PPP3CA: variants seen among roughly 807,000 people sequenced by gnomAD.
PPP3CA encodes the protein protein phosphatase 3 catalytic subunit alpha, also known as CAM-PRP catalytic subunit.
A neutral mutation model predicts 66.5 loss-of-function variants in PPP3CA; 14 were observed. The observed-to-expected ratio is 0.21, with a 90% CI of 0.14 to 0.33. The LOEUF is 0.33. PPP3CA is among the 10% of genes least tolerant of loss of function. The pLI is 1.00. For synonymous variants in PPP3CA, 232 were observed against 226.2 expected, an observed-to-expected ratio of 1.03 and a Z score of -0.23; for missense variants, 317 against 639.5, an observed-to-expected ratio of 0.50 and a Z score of 5.44.
intron 1 of PPP3CA, among the ~76,000 whole-genome samples, chr4:101,248,394 A>G (rs1055448278): frequency 6.6e-6 from 1 of 152,184 alleles, no homozygotes; most frequent in African/African-American, 2.4e-5. Flanking sequence ...ATAAATGGCA[A>G]TTTTTGAATT....
intron 1 of PPP3CA, among the ~76,000 whole-genome samples, chr4:101,272,128 G>C (rs1280310418): frequency 6.6e-6 from 1 of 152,042 alleles, no homozygotes; most frequent in Non-Finnish European, 1.5e-5. Context: ...ACATGAAACT[G>C]TTTCTAGGTT....
At chr4:101,196,619 G>A (rs1042008286) in intron 1 of PPP3CA, among the ~76,000 whole-genome samples, 11 of 152,078 alleles carry the variant, frequency 7.2e-5, no homozygotes, top group Non-Finnish European at 1.3e-4. Context: ...GAAAACAGCA[G>A]GAATCTGAAA....
intron 1 of PPP3CA, among the ~76,000 whole-genome samples, chr4:101,264,017 A>T (rs559516036): frequency 1.3e-5 from 2 of 152,270 alleles, no homozygotes; most frequent in East Asian, 3.9e-4. Context: ...ATCCAAAACC[A>T]TCTTTTCACA....
At chr4:101,141,271 G>A (rs1425411150) in intron 2 of PPP3CA, among the ~76,000 whole-genome samples, 1 of 152,164 alleles carries the variant, frequency 6.6e-6, no homozygotes, top group African/African-American at 2.4e-5. Flanking sequence ...TTGACACGCT[G>A]AGGCAGGAGA....
At position 101,039,512 on chromosome 4, in the gene PPP3CA, G is replaced by A. The variant is rs983331502; in HGVS notation, c.1241+970C>T. On this transcript the variant is annotated intron_variant, in intron 11 of 13. Transcript: ENST00000394854. ...GATGCCCTATTTTCCGCTTGAACAT[G>A]GCTGGTCGTGAATGTGCTGGCTACC... is the stretch of plus-strand genomic sequence containing the variant. 2.1e-5 allele frequency among the ~76,000 whole-genome samples: 3 copies of A among 144,480 alleles called. 1 individual carries two copies. Among genetic ancestry groups the A allele is most frequent in the Admixed American group, 1.4e-4 (2 of 14,410 alleles). The allele number at this position is 144,480 out of a possible 152,430, so 94.8% of individuals were successfully genotyped here.
chr4:101,172,606 T>C (rs1440130577), intron 2 of PPP3CA, among the ~76,000 whole-genome samples: 2 of 152,118 alleles, frequency 1.3e-5, no homozygotes, highest in African/African-American at 4.8e-5. Context: ...CCCTTCCTCA[T>C]TTCAGACTCC....
intron 2 of PPP3CA, among the ~76,000 whole-genome samples, chr4:101,169,929 T>C (rs1015981380): frequency 6.6e-6 from 1 of 152,188 alleles, no homozygotes; most frequent in Admixed American, 6.6e-5. Flanking sequence ...TTACAGTAAG[T>C]GTCATGCAGT....
At chr4:101,113,316 A>G (rs1194113724) in intron 2 of PPP3CA, among the ~76,000 whole-genome samples, 3 of 152,102 alleles carry the variant, frequency 2.0e-5, no homozygotes, top group African/African-American at 7.2e-5. Flanking sequence ...CCTATTCAGT[A>G]TTACTAAATA....
intron 2 of PPP3CA, among the ~76,000 whole-genome samples, chr4:101,117,883 T>C (rs1269224133): frequency 1.3e-5 from 2 of 151,928 alleles, no homozygotes; most frequent in East Asian, 1.9e-4. Flanking sequence ...ACATTATAAG[T>C]TGATATAATT....
At chr4:101,202,893 C>A (rs894544794) in intron 1 of PPP3CA, among the ~76,000 whole-genome samples, 1 of 152,132 alleles carries the variant, frequency 6.6e-6, no homozygotes, top group African/African-American at 2.4e-5. Context: ...CCTCTAAATA[C>A]TACTATACCA....
At chr4:101,235,106 A>C (rs1222638984) in intron 1 of PPP3CA, among the ~76,000 whole-genome samples, 1 of 151,830 alleles carries the variant, frequency 6.6e-6, no homozygotes, top group Non-Finnish European at 1.5e-5. Context: ...TATTTGAGAG[A>C]CTACTTCAAA....
intron 1 of PPP3CA, among the ~76,000 whole-genome samples, chr4:101,333,740 C>A (rs949349708): frequency 2.6e-5 from 4 of 152,168 alleles, no homozygotes; most frequent in Admixed American, 6.5e-5. Flanking sequence ...ACACTTTCCA[C>A]AAATTCATAT....
chr4:101,234,648 AT>A (rs910791349), intron 1 of PPP3CA, among the ~76,000 whole-genome samples: 2 of 150,714 alleles, frequency 1.3e-5, no homozygotes, highest in South Asian at 4.2e-4. Context: ...ATCAATTTTT[AT>A]TTTTTTATCA....
intron 3 of PPP3CA, among the ~76,000 whole-genome samples, chr4:101,106,263 G>C (rs1730664652): frequency 6.6e-6 from 1 of 151,520 alleles, no homozygotes; most frequent in Non-Finnish European, 1.5e-5. Context: ...TGAAGCTGCA[G>C]TGAGCTATGA....
intron 2 of PPP3CA, among the ~76,000 whole-genome samples, chr4:101,121,836 C>T (rs1722041780): frequency 6.6e-6 from 1 of 151,996 alleles, no homozygotes; most frequent in South Asian, 2.1e-4. Context: ...CACATATGAA[C>T]AGAAAACAGA....
intron 10 of PPP3CA, among the ~76,000 whole-genome samples, chr4:101,047,653 T>G (rs1727826437): frequency 1.3e-5 from 2 of 152,082 alleles, no homozygotes; most frequent in Non-Finnish European, 2.9e-5. Flanking sequence ...ACAGGATCTC[T>G]CCATGTGGCC....
intron 2 of PPP3CA, among the ~76,000 whole-genome samples, chr4:101,157,884 A>C (rs1031351377): frequency 1.9e-4 from 29 of 151,676 alleles, no homozygotes; most frequent in African/African-American, 5.8e-4. Flanking sequence ...AAAAAAAAAA[A>C]AAAAACCTCT....
At chr4:101,229,333 A>C (rs1004960222) in intron 1 of PPP3CA, among the ~76,000 whole-genome samples, 5 of 151,700 alleles carry the variant, frequency 3.3e-5, no homozygotes, top group Non-Finnish European at 5.9e-5. Flanking sequence ...AGACAGCTTG[A>C]GTCTCCAGGC....
chr4:101,212,505 T>G (rs2110206165), intron 1 of PPP3CA, among the ~76,000 whole-genome samples: 1 of 152,186 alleles, frequency 6.6e-6, no homozygotes, highest in African/African-American at 2.4e-5. Context: ...GAATAGCTAA[T>G]GGACCCTGGG....
Sources: gnomAD v4.1 joint callset for allele counts (sites outside exome capture counted in the v4.1 genomes callset) on GRCh38, gnomAD v4.1.1 for gene constraint, MANE v1.5 for transcripts, NCBI Gene and HGNC (gene_info 2026-07-23, HGNC 2026-07-21) for gene names.